The following SLC2A13 variants were observed in gnomAD, a reference collection of about 807,000 sequenced individuals.
SLC2A13 encodes the protein proton myo-inositol cotransporter.
Under a neutral mutation model 64.4 loss-of-function variants are expected in SLC2A13, and 32 were observed. That is an observed-to-expected ratio of 0.50 (90% CI 0.37 to 0.67). SLC2A13 has a LOEUF of 0.67. SLC2A13 is among the 30% of genes least tolerant of loss of function. SLC2A13 has a pLI of 0.00. For synonymous variants in SLC2A13, 338 were observed against 327.1 expected, an observed-to-expected ratio of 1.03 and a Z score of -0.36; for missense variants, 743 against 829.2, an observed-to-expected ratio of 0.90 and a Z score of 1.28.
intron 3 of SLC2A13, among the ~76,000 whole-genome samples, chr12:39,966,079 T>A (rs138762229): frequency 1.3e-5 from 2 of 151,546 alleles, no homozygotes; most frequent in Admixed American, 6.6e-5. Context: ...CACACACATA[T>A]ATAAATATAA....
In SLC2A13 at chr12:40,028,333, T is replaced by G. The variant is rs747782215; in HGVS notation, c.893A>C (p.Asn298Thr). 3.0e-5 allele frequency: 48 copies of G among 1,614,062 alleles called. No individual in the cohort carries two copies. The highest frequency in any genetic ancestry group is 3.9e-5 in the Non-Finnish European group (46 of 1,179,986). ...AACCTCTTTTTCCTCCTCTTCAATG[T>G]TGTTTTTGATGCTATCATATTCCTC... ...IDEEYDSIKN[N>T]IEEEEKEVGS... Residue 298 changes from asparagine (N) to threonine (T), a missense_variant, in exon 3 of 10, where the codon AAC (asparagine) becomes ACC (threonine). By Grantham distance (65) the Asn-to-Thr change is moderately conservative. Transcript: ENST00000280871.
At chr12:40,046,689 G>C (rs892413250) in intron 2 of SLC2A13, among the ~76,000 whole-genome samples, 1 of 151,144 alleles carries the variant, frequency 6.6e-6, no homozygotes, top group Non-Finnish European at 1.5e-5. Flanking sequence ...AACATCTGCA[G>C]ACACAACAAC....
At chr12:40,005,789 C>T (rs751320634) in intron 3 of SLC2A13, among the ~76,000 whole-genome samples, 15 of 152,142 alleles carry the variant, frequency 9.9e-5, no homozygotes, top group Non-Finnish European at 2.1e-4. Flanking sequence ...GAGACTTGAG[C>T]AATCACAGAT....
intron 6 of SLC2A13, among the ~76,000 whole-genome samples, chr12:39,847,331 C>G (rs1291283822): frequency 1.3e-5 from 2 of 152,108 alleles, no homozygotes; most frequent in Non-Finnish European, 2.9e-5. Context: ...TGATTCCTAA[C>G]TGGGCACATT....
chr12:39,855,961 T>G (rs1943596760), intron 6 of SLC2A13, among the ~76,000 whole-genome samples: 1 of 152,334 alleles, frequency 6.6e-6, no homozygotes, highest in Middle Eastern at 3.4e-3. Flanking sequence ...GTGACCTGTT[T>G]TATGCCCAGA....
Position 39,764,719 on chromosome 12 carries a change from A to G in SLC2A13, c.1567+18T>C. On this transcript the variant is annotated intron_variant, in intron 8 of 9. Transcript: ENST00000280871. ...GGCAATTCAATTAATGCAACAGTATAACAAAGTCTTTGTTTACCAGGTGCA... is the reference window on the plus strand; with the variant it reads ...GGCAATTCAATTAATGCAACAGTATGACAAAGTCTTTGTTTACCAGGTGCA... 2 of 1,610,668 alleles carry G rather than the reference A, an allele frequency of 1.2e-6. No individual in the cohort carries two copies. Among genetic ancestry groups the G allele is most frequent in the Non-Finnish European group, 8.5e-7 (1 of 1,178,800 alleles).
intron 6 of SLC2A13, among the ~76,000 whole-genome samples, chr12:39,853,022 T>A (rs1943510708): frequency 6.6e-6 from 1 of 152,202 alleles, no homozygotes; most frequent in Admixed American, 6.5e-5. Context: ...GGAGTTTACT[T>A]TTGTTTCAGT....
chr12:39,781,836 C>T (rs893840649), intron 7 of SLC2A13, among the ~76,000 whole-genome samples: 10 of 152,266 alleles, frequency 6.6e-5, no homozygotes, highest in East Asian at 1.9e-4. Flanking sequence ...GGCTCATATA[C>T]GGCCCTCACA....
chr12:39,882,193 C>T (rs921999863), intron 4 of SLC2A13, among the ~76,000 whole-genome samples: 1 of 152,130 alleles, frequency 6.6e-6, no homozygotes, highest in Non-Finnish European at 1.5e-5. Flanking sequence ...ACCAGAGGGT[C>T]TCAGATATTG....
intron 4 of SLC2A13, among the ~76,000 whole-genome samples, chr12:39,939,107 G>C (rs1250182323): frequency 6.6e-6 from 1 of 152,148 alleles, no homozygotes; most frequent in African/African-American, 2.4e-5. Context: ...CTGTGCTCCA[G>C]TTGCCTACTG....
At chr12:39,957,257 A>G (rs1383181229) in intron 3 of SLC2A13, among the ~76,000 whole-genome samples, 2 of 152,216 alleles carry the variant, frequency 1.3e-5, no homozygotes, top group Non-Finnish European at 2.9e-5. Context: ...CAAGGTCACA[A>G]ACTAGTAAGT....
intron 1 of SLC2A13, among the ~76,000 whole-genome samples, chr12:40,060,079 G>A (rs924460888): frequency 2.6e-5 from 4 of 151,990 alleles, no homozygotes; most frequent in East Asian, 3.9e-4. Flanking sequence ...ATTAATGGAC[G>A]GATGGATGGA....
At chr12:39,843,469 A>G (rs1032353776) in intron 6 of SLC2A13, among the ~76,000 whole-genome samples, 10 of 152,124 alleles carry the variant, frequency 6.6e-5, no homozygotes, top group African/African-American at 2.2e-4. Flanking sequence ...CAAATAAATC[A>G]GCAAATACAT....
At chr12:39,874,162 T>C (rs1263242946) in intron 4 of SLC2A13, among the ~76,000 whole-genome samples, 2 of 152,196 alleles carry the variant, frequency 1.3e-5, no homozygotes, top group Admixed American at 1.3e-4. Context: ...AGGGAATTAA[T>C]GTTAGGGTTG....
At chr12:39,956,631 AATG>A (rs1282747331) in intron 3 of SLC2A13, among the ~76,000 whole-genome samples, 4 of 152,144 alleles carry the variant, frequency 2.6e-5, no homozygotes, top group African/African-American at 9.7e-5. Context: ...TAGAAACAAC[AATG>A]TTTGATCAAA....
At position 39,759,869 on chromosome 12, in the gene SLC2A13, G is replaced by A; in HGVS notation, c.*157C>T. 1.7e-6 allele frequency: 1 copy of A among 589,890 alleles called. No individual in the cohort carries two copies. Among genetic ancestry groups the A allele is most frequent in the Non-Finnish European group, 3.0e-6 (1 of 336,384 alleles). 36.5% of individuals were successfully genotyped at this position (589,890 alleles called of 1,614,324 possible). On this transcript the variant is annotated 3_prime_UTR_variant, in exon 10 of 10. Transcript: ENST00000280871. ...CCTTGTGGAAAAAAAAAGTCATCAT[G>A]GTTGTATCTTCCTCCTAATCAAGTA...
At chr12:39,788,299 C>T (rs1439665162) in intron 7 of SLC2A13, among the ~76,000 whole-genome samples, 1 of 152,032 alleles carries the variant, frequency 6.6e-6, no homozygotes, top group Non-Finnish European at 1.5e-5. Flanking sequence ...AACAGTATGC[C>T]AGTATCACTA....
intron 4 of SLC2A13, among the ~76,000 whole-genome samples, chr12:39,881,645 A>C (rs1272925081): frequency 6.6e-6 from 1 of 151,838 alleles, no homozygotes; most frequent in Non-Finnish European, 1.5e-5. Context: ...GCCGTCCCAT[A>C]CTCTTTTTCT....
chr12:39,801,200 A>C (rs1432544147), intron 7 of SLC2A13, among the ~76,000 whole-genome samples: 1 of 123,176 alleles, frequency 8.1e-6, no homozygotes, highest in Non-Finnish European at 1.7e-5. Flanking sequence ...TACATATGTA[A>C]CTAACCTGCA....
Sources: gnomAD v4.1 joint callset for allele counts (sites outside exome capture counted in the v4.1 genomes callset) on GRCh38, gnomAD v4.1.1 for gene constraint, MANE v1.5 for transcripts, NCBI Gene and HGNC (gene_info 2026-07-23, HGNC 2026-07-21) for gene names.